The following CGN variants were observed in gnomAD, a reference collection of about 807,000 sequenced individuals.
CGN encodes cingulin.
CGN carries 121 observed loss-of-function variants against 157.1 expected under a neutral mutation model. The ratio of observed to expected loss-of-function variants is 0.77; its 90% CI spans 0.66 to 0.90. The LOEUF (loss-of-function observed/expected upper bound fraction) is 0.90. CGN is among the 40% of genes least tolerant of loss of function. CGN has a pLI of 0.00. For synonymous variants in CGN, 535 were observed against 607.5 expected (o/e 0.88, Z 1.76); for missense variants, 1,424 against 1,520.9 (o/e 0.94, Z 1.06).
chr1:151,517,454 C>T (rs1401510390), intron 1 of CGN, among the ~76,000 whole-genome samples: 1 of 151,436 alleles, frequency 6.6e-6, no homozygotes, highest in Non-Finnish European at 1.5e-5. Context: ...ATCTGCTCAG[C>T]AGGGTGTGGG....
intron 10 of CGN, among the ~76,000 whole-genome samples, chr1:151,528,809 A>G (rs1197962849): frequency 6.6e-6 from 1 of 152,146 alleles, no homozygotes; most frequent in African/African-American, 2.4e-5. Context: ...ACCCATTAGC[A>G]ATAATTCCCC....
chr1:151,522,638 AAC>A (rs1491235694), intron 5 of CGN, among the ~76,000 whole-genome samples: 9 of 144,442 alleles, frequency 6.2e-5, no homozygotes, highest in African/African-American at 2.6e-4. Flanking sequence ...AAAACAAACA[AAC>A]AAAAAAAACA....
rs537019242 is a variant in CGN, at chr1:151,532,328, G to T, written c.2572-74G>T. On this transcript the variant is annotated intron_variant, in intron 13 of 20. Coordinates refer to ENST00000271636, the MANE Select transcript of CGN (RefSeq NM_020770.3). ...CTTGTCAGGAAGGAGACCCTTAGGG[G>T]AGAGTCTTGGGAGTCTGGGCCTGGA... 4.2e-6 allele frequency: 5 copies of T among 1,176,512 alleles called. No homozygotes were observed. The African/African-American group carries it at 6.3e-5, about 15-fold the overall frequency. The allele number at this position is 1,176,512 out of a possible 1,614,324, so 72.9% of individuals were successfully genotyped here. A position where few individuals can be genotyped will look rare whatever the true frequency, so the allele number is the denominator to read the frequency against.
At chr1:151,526,264 C>T (rs1414267283) in intron 9 of CGN, among the ~76,000 whole-genome samples, 12 of 145,350 alleles carry the variant, frequency 8.3e-5, no homozygotes, top group Admixed American at 4.8e-4. Context: ...CTGCAGCCTC[C>T]GCCTCCTGGG....
At position 151,512,407 on chromosome 1, in the gene CGN, G is replaced by A. The variant is rs1352151657; in HGVS notation, c.-15+892G>A. On this transcript the variant is annotated intron_variant, in intron 1 of 20. Transcript: ENST00000271636. The stretch of plus-strand genomic sequence containing the variant: ...TGGGAGCCCAACCAATTTCCTTGAT[G>A]TCTGGAGGAATCCCCATTACTCCCT... Among the ~76,000 whole-genome samples the A allele has an allele frequency of 2.0e-5, 3 of 152,292 alleles. No homozygotes were observed. In the East Asian group the frequency reaches 5.8e-4, roughly 29 times the overall value.
chr1:151,525,762 A>ATGTTCC lies in CGN; in HGVS notation c.1735_1736insTGTTCC (p.Lys579delinsMetPheGln). 1 of 1,607,172 alleles carries ATGTTCC rather than the reference A, an allele frequency of 6.2e-7. No individual in the cohort carries two copies. The highest frequency in any genetic ancestry group is 8.5e-7 in the Non-Finnish European group (1 of 1,176,474). ...TTGGCAGAGTATGTTCCAGAAGAAC[A>ATGTTCC]AGGAGGATCTTAGAGCCACCAAGCA... On this transcript the variant is annotated protein_altering_variant, in exon 9 of 21. Transcript: ENST00000271636.
intron 5 of CGN, among the ~76,000 whole-genome samples, chr1:151,522,653 A>T (rs1664568081): frequency 6.8e-6 from 1 of 147,138 alleles, no homozygotes; most frequent in African/African-American, 2.5e-5. Flanking sequence ...AAAAAACAAA[A>T]AACCAGGCCG....
intron 1 of CGN, among the ~76,000 whole-genome samples, chr1:151,516,645 C>T (rs560987772): frequency 6.0e-5 from 9 of 151,096 alleles, no homozygotes; most frequent in Admixed American, 2.0e-4. Flanking sequence ...CAGGTTCAAG[C>T]GATTCTCCTG....
At chr1:151,529,774 G>C (rs777753856) in intron 11 of CGN, 135 bp from the exon 12 acceptor site, 23 of 874,408 alleles carry the variant, frequency 2.6e-5, no homozygotes, top group Non-Finnish European at 4.0e-5. Flanking sequence ...GCTGGTGGCA[G>C]CTGCTCTCTT....
intron 15 of CGN, chr1:151,534,775 T>G (rs555739547): frequency 4.8e-6 from 2 of 415,532 alleles, no homozygotes; most frequent in East Asian, 9.4e-5. Context: ...AGAAATAAGG[T>G]TTTCCAATGA....
In CGN at chr1:151,518,636, A is replaced by G; in HGVS notation, c.117A>G (p.Gly39=). 1 of 1,614,116 alleles carries G rather than the reference A, an allele frequency of 6.2e-7. No individual in the cohort carries two copies. Among genetic ancestry groups the G allele is most frequent in the Non-Finnish European group, 8.5e-7 (1 of 1,180,026 alleles). ...AGATGGGCACTCTACGTCGAGGTGG[A>G]CGACGCCCAGCTAAGGATGCAAGAG... ...GAEMGTLRRG[G]RRPAKDARAS... The change falls in exon 2 of 21, where the codon GGA becomes GGG. Residue 39 remains glycine, a synonymous_variant. Coordinates refer to ENST00000271636, the MANE Select transcript of CGN (RefSeq NM_020770.3).
chr1:151,526,949 C>T (rs767333059), intron 9 of CGN, 26 bp from the exon 10 acceptor site: 6 of 1,613,936 alleles, frequency 3.7e-6, no homozygotes, highest in Non-Finnish European at 5.1e-6. Context: ...TTCCCTTTCC[C>T]CTTTATTTCA....
Position 151,524,147 on chromosome 1 carries a change from A to T in CGN, c.1269-79A>T. ...TGAAGGAAGGAAGTTTAAATGCATT[A>T]ATAAATATGAATTAAAATATATGAT... On this transcript the variant is annotated intron_variant, in intron 6 of 20. Transcript: ENST00000271636. This position sits in a 1 kb window ranked among gnomAD's most constrained non-coding sequence, Gnocchi z 4.4. 1 of 1,315,044 alleles carries T rather than the reference A, an allele frequency of 7.6e-7. No homozygotes were observed. The highest frequency in any genetic ancestry group is 1.0e-6 in the Non-Finnish European group (1 of 955,562). The allele number at this position is 1,315,044 out of a possible 1,614,324, so 81.5% of individuals were successfully genotyped here. A position where few individuals can be genotyped will look rare whatever the true frequency, so the allele number is the denominator to read the frequency against.
In CGN at chr1:151,519,099, C is replaced by G; in HGVS notation, c.580C>G (p.Arg194Gly). Residue 194 changes from arginine to glycine, a missense_variant, in exon 2 of 21, where the codon CGG becomes GGG. By Grantham distance (125) the Arg-to-Gly change is moderately radical. Coordinates refer to ENST00000271636, the MANE Select transcript of CGN (RefSeq NM_020770.3). ...KFDSQLGGQA[R>G]GRTGRRTRML... ...TGACAGTCAACTTGGAGGCCAGGCC[C>G]GGGGTCGGACTGGCCGCCGAACACG... 1.9e-6 allele frequency: 3 copies of G among 1,614,066 alleles called. No individual in the cohort carries two copies. The highest frequency in any genetic ancestry group is 2.5e-6 in the Non-Finnish European group (3 of 1,180,010).
chr1:151,514,915 C>T (rs1664374782), intron 1 of CGN, among the ~76,000 whole-genome samples: 1 of 152,082 alleles, frequency 6.6e-6, no homozygotes, highest in African/African-American at 2.4e-5. Context: ...TATTTGTTGT[C>T]AGCTTTGTGA....
In CGN at chr1:151,533,985, T is replaced by TGCG; in HGVS notation, c.2756_2758dup (p.Arg919dup). The TGCG allele has an allele frequency of 6.2e-7, 1 of 1,608,392 alleles. No homozygotes were observed. Among genetic ancestry groups the TGCG allele is most frequent in the Non-Finnish European group, 8.5e-7 (1 of 1,178,472 alleles). ...TTACCCCCTGCCCAGATCCAGAGGC[T>TGCG]GCGGCAGGCCCTGCAGGCATCCCAG... On this transcript the variant is annotated inframe_insertion, in exon 15 of 21. Coordinates refer to ENST00000271636, the MANE Select transcript of CGN (RefSeq NM_020770.3).
At chr1:151,533,864 C>G in intron 14 of CGN, 111 bp from the exon 15 acceptor site, 1 of 934,266 alleles carries the variant, frequency 1.1e-6, no homozygotes, top group Non-Finnish European at 1.6e-6. Context: ...ACTGGTAATT[C>G]TAAAGAGTGA....
At position 151,524,317 on chromosome 1, in the gene CGN, CAT is replaced by C; in HGVS notation, c.1361_1362del (p.His454ArgfsTer5). 6.2e-7 allele frequency: 1 copy of C among 1,614,124 alleles called. No individual in the cohort carries two copies. The highest frequency in any genetic ancestry group is 8.5e-7 in the Non-Finnish European group (1 of 1,180,010). On this transcript the variant is annotated frameshift_variant, in exon 7 of 21. Transcript: ENST00000271636. LOFTEE classifies it high-confidence loss of function. This position sits in a 1 kb window ranked among gnomAD's most constrained non-coding sequence, Gnocchi z 4.4. The part of the protein sequence containing the change: ...QVMELQNKLK[H>X]VQGPEPAKEV... ...GATGGAGCTGCAGAACAAGCTGAAA[CAT>C]GTCCAGGGTCCTGAGCCTGCTAAGG... is the stretch of plus-strand genomic sequence containing the variant.
intron 5 of CGN, 69 bp from the exon 6 acceptor site, chr1:151,523,365 C>T: frequency 2.1e-6 from 3 of 1,455,386 alleles, no homozygotes. Flanking sequence ...TAGACATTCC[C>T]ATTATTCTGA....
Sources: allele counts gnomAD v4.1 joint callset (sites outside exome capture counted in the v4.1 genomes callset), GRCh38; gene constraint gnomAD v4.1.1; non-coding constraint Gnocchi (gnomAD v3.1); transcripts MANE v1.5; gene names NCBI Gene and HGNC (gene_info 2026-07-23, HGNC 2026-07-21).